Variants in SNAP23 observed in about 807,000 individuals in gnomAD.
SNAP23 encodes the protein synaptosome associated protein 23.
In SNAP23, 11 loss-of-function variants were observed where a neutral mutation model predicts 29.0. The ratio of observed to expected loss-of-function variants is 0.38; its 90% CI spans 0.24 to 0.63. The LOEUF (loss-of-function observed/expected upper bound fraction) is 0.63. Among genes scored for constraint, SNAP23 ranks in the 20% least tolerant of loss-of-function variants. SNAP23 has a pLI of 0.58. For synonymous variants in SNAP23, 60 were observed against 82.9 expected (o/e 0.72, Z 1.50); for missense variants, 220 against 253.9 (o/e 0.87, Z 0.91).
intron 5 of SNAP23, among the ~76,000 whole-genome samples, chr15:42,519,269 G>T (rs1472706723): frequency 1.3e-5 from 2 of 151,696 alleles, no homozygotes; most frequent in African/African-American, 4.8e-5. Flanking sequence ...TGGCCAGGCT[G>T]GTCTTGAACT....
chr15:42,515,181 T>G, intron 4 of SNAP23, 56 bp from the exon 5 acceptor site: 1 of 1,068,432 alleles, frequency 9.4e-7, no homozygotes, highest in South Asian at 1.4e-5. Flanking sequence ...TAATAGCATT[T>G]TCTGGTTGAC....
chr15:42,512,654 G>A (rs2057366600), intron 2 of SNAP23, among the ~76,000 whole-genome samples: 1 of 152,074 alleles, frequency 6.6e-6, no homozygotes, highest in Non-Finnish European at 1.5e-5. Flanking sequence ...TGGGATTATA[G>A]GCTTGAACCA....
intron 1 of SNAP23, 46 bp from the exon 2 acceptor site, chr15:42,511,787 C>T: frequency 8.4e-7 from 1 of 1,194,878 alleles, no homozygotes; most frequent in Non-Finnish European, 1.2e-6. Flanking sequence ...TTTTATATAT[C>T]CTTATTCTTA....
intron 1 of SNAP23, among the ~76,000 whole-genome samples, chr15:42,505,939 TTTTC>T (rs940848828): frequency 2.6e-5 from 4 of 151,790 alleles, no homozygotes; most frequent in Non-Finnish European, 4.4e-5. Flanking sequence ...TTTTCTTTTT[TTTTC>T]TTTCTTTTTT....
chr15:42,508,759 A>T (rs545855094), intron 1 of SNAP23, among the ~76,000 whole-genome samples: 2 of 151,986 alleles, frequency 1.3e-5, no homozygotes, highest in African/African-American at 2.4e-5. Flanking sequence ...GCTAGCAAAG[A>T]CTGACTTGTA....
chr15:42,518,437 T>TC (rs1242029235), intron 5 of SNAP23, among the ~76,000 whole-genome samples: 1 of 150,514 alleles, frequency 6.6e-6, no homozygotes, highest in African/African-American at 2.4e-5. Context: ...TTTCTCTTTT[T>TC]TTTTTTTTTT....
At chr15:42,497,247 C>A (rs1166727511) in intron 1 of SNAP23, among the ~76,000 whole-genome samples, 2 of 137,062 alleles carry the variant, frequency 1.5e-5, no homozygotes. Flanking sequence ...CTTGCTCTGT[C>A]GCTCAGGCTG....
chr15:42,509,662 T>C (rs1010010191), intron 1 of SNAP23, among the ~76,000 whole-genome samples: 4 of 152,018 alleles, frequency 2.6e-5, no homozygotes, highest in African/African-American at 9.7e-5. Context: ...CTGGCCTCGA[T>C]CTCCTAACCC....
At chr15:42,524,384 A>G (rs528018119) in intron 5 of SNAP23, among the ~76,000 whole-genome samples, 34 of 152,266 alleles carry the variant, frequency 2.2e-4, no homozygotes, top group African/African-American at 8.2e-4. Context: ...CCCCCCAGCC[A>G]TGGACCACTA....
chr15:42,509,629 G>A (rs79996180), intron 1 of SNAP23, among the ~76,000 whole-genome samples: 6 of 151,892 alleles, frequency 4.0e-5, no homozygotes, highest in African/African-American at 1.2e-4. Flanking sequence ...TAGTAGAAAC[G>A]GGGTTTCACC....
intron 1 of SNAP23, among the ~76,000 whole-genome samples, chr15:42,500,675 C>T (rs1414581219): frequency 1.3e-5 from 2 of 151,804 alleles, no homozygotes; most frequent in African/African-American, 4.9e-5. Flanking sequence ...CAGGCATGAG[C>T]CACCTCACCC....
At chr15:42,497,050 T>C (rs1334832471) in intron 1 of SNAP23, among the ~76,000 whole-genome samples, 1 of 150,948 alleles carries the variant, frequency 6.6e-6, no homozygotes, top group African/African-American at 2.4e-5. Context: ...TTTCTTTTTT[T>C]TTTTTTTTGA....
At chr15:42,528,059 T>A (rs1810035263) in intron 5 of SNAP23, 1 of 471,138 alleles carries the variant, frequency 2.1e-6, no homozygotes, top group Admixed American at 3.3e-5. Flanking sequence ...TTTAAAATTT[T>A]TTTTAGTGTC....
At chr15:42,503,715 C>G (rs1216697562) in intron 1 of SNAP23, among the ~76,000 whole-genome samples, 2 of 151,970 alleles carry the variant, frequency 1.3e-5, no homozygotes, top group South Asian at 4.2e-4. Context: ...GTTGGCCAGT[C>G]TGGTCTCAAA....
intron 5 of SNAP23, among the ~76,000 whole-genome samples, chr15:42,526,116 C>T (rs1204736671): frequency 5.9e-5 from 9 of 152,156 alleles, no homozygotes; most frequent in Admixed American, 5.2e-4. Context: ...ATCCGAAATT[C>T]TAATAAAAGC....
chr15:42,528,464 T>C (rs918522395), intron 6 of SNAP23, 44 bp downstream of exon 6: 4 of 1,577,584 alleles, frequency 2.5e-6, no homozygotes, highest in Non-Finnish European at 3.5e-6. Context: ...TCTTAATGAA[T>C]GGTTCACTTA....
At chr15:42,516,924 G>T (rs1043329917) in intron 5 of SNAP23, among the ~76,000 whole-genome samples, 1 of 152,106 alleles carries the variant, frequency 6.6e-6, no homozygotes, top group Non-Finnish European at 1.5e-5. Flanking sequence ...CCAACTGAAA[G>T]TTCTGTATTT....
intron 1 of SNAP23, among the ~76,000 whole-genome samples, chr15:42,496,960 A>AG (rs1321956261): frequency 1.3e-5 from 2 of 151,988 alleles, no homozygotes; most frequent in Non-Finnish European, 2.9e-5. Context: ...CCCATAATCC[A>AG]ATCACCTCTC....
intron 1 of SNAP23, among the ~76,000 whole-genome samples, chr15:42,506,825 T>G (rs1302506807): frequency 6.6e-6 from 1 of 152,086 alleles, no homozygotes; most frequent in Non-Finnish European, 1.5e-5. Context: ...AAAAACTTTT[T>G]TTTTTTTTTT....
Sources: gnomAD v4.1 joint callset for allele counts (sites outside exome capture counted in the v4.1 genomes callset) on GRCh38, gnomAD v4.1.1 for gene constraint, MANE v1.5 for transcripts, NCBI Gene and HGNC (gene_info 2026-07-23, HGNC 2026-07-21) for gene names.